TSHZ2: variants seen among roughly 807,000 people sequenced by gnomAD.
TSHZ2 encodes teashirt zinc finger homeobox 2.
Under a neutral mutation model 74.4 loss-of-function variants are expected in TSHZ2, and 21 were observed. The observed-to-expected ratio is 0.28, with a 90% CI of 0.20 to 0.41. The LOEUF (loss-of-function observed/expected upper bound fraction) is 0.41. Ranked by LOEUF, TSHZ2 falls within the 10% of genes least tolerant of loss-of-function variation. The pLI is 1.00. For synonymous variants in TSHZ2, 540 were observed against 515.3 expected (o/e 1.05, Z -0.65); for missense variants, 1,244 against 1,293.5 (o/e 0.96, Z 0.59).
At chr20:52,993,834 T>G (rs543516748) in intron 1 of TSHZ2, among the ~76,000 whole-genome samples, 62 of 152,226 alleles carry the variant, frequency 4.1e-4, no homozygotes, top group Non-Finnish European at 6.9e-4. Context: ...GATTGAGATG[T>G]TTTAATTTTC....
At chr20:53,162,823 GA>G (rs2071803911) in intron 1 of TSHZ2, among the ~76,000 whole-genome samples, 1 of 152,292 alleles carries the variant, frequency 6.6e-6, no homozygotes, top group South Asian at 2.1e-4. Flanking sequence ...CAAAGCGGGG[GA>G]GGGGGAGAAA....
At chr20:52,991,131 T>G (rs1308760371) in intron 1 of TSHZ2, among the ~76,000 whole-genome samples, 1 of 151,992 alleles carries the variant, frequency 6.6e-6, no homozygotes, top group Non-Finnish European at 1.5e-5. Flanking sequence ...TGATTTTGTG[T>G]GGATTATGTA....
intron 2 of TSHZ2, among the ~76,000 whole-genome samples, chr20:53,450,562 G>C (rs982190869): frequency 2.0e-5 from 3 of 152,198 alleles, no homozygotes; most frequent in Non-Finnish European, 4.4e-5. Context: ...TGTCACCCAA[G>C]CTCCAGGATG....
At chr20:53,086,934 T>C (rs1386601476) in intron 1 of TSHZ2, among the ~76,000 whole-genome samples, 2 of 152,064 alleles carry the variant, frequency 1.3e-5, no homozygotes, top group African/African-American at 4.8e-5. Flanking sequence ...CGTGAAATGC[T>C]AAGGAGAAAA....
intron 2 of TSHZ2, among the ~76,000 whole-genome samples, chr20:53,286,553 C>T (rs1158590654): frequency 6.6e-6 from 1 of 151,988 alleles, no homozygotes; most frequent in African/African-American, 2.4e-5. Flanking sequence ...TTCTCTCCAA[C>T]TTGAATTCTA....
intron 1 of TSHZ2, among the ~76,000 whole-genome samples, chr20:53,132,698 T>C (rs533530084): frequency 6.6e-6 from 1 of 152,314 alleles, no homozygotes; most frequent in East Asian, 1.9e-4. Flanking sequence ...TCCCAAGACC[T>C]GCATCATCTT....
At chr20:53,480,506 G>T (rs1045009977) in intron 2 of TSHZ2, among the ~76,000 whole-genome samples, 1 of 151,746 alleles carries the variant, frequency 6.6e-6, no homozygotes, top group Non-Finnish European at 1.5e-5. Context: ...GATCAAGGCT[G>T]CAGTGAACTA....
rs550096714 is a variant in TSHZ2 at position 53,026,820 on chromosome 20, T to C, written c.40+53487T>C. ...ATCTTTTCATATTTTTAAATAGTGC[T>C]GTAGAAGCTTAGTTTTAATAATAAA... On this transcript the variant is annotated intron_variant, in intron 1 of 2. Transcript: ENST00000371497. Among the ~76,000 whole-genome samples, 17 of 152,316 alleles carry C rather than the reference T, an allele frequency of 1.1e-4. No homozygotes were observed. The East Asian group carries it at 3.3e-3, about 29-fold the overall frequency.
At position 53,114,116 on chromosome 20, in the gene TSHZ2, GA is replaced by G. The variant is rs1323480297; in HGVS notation, c.41-139373del. Among the ~76,000 whole-genome samples, 1,298 of 145,308 alleles carry G rather than the reference GA, an allele frequency of 8.9e-3. 9 individuals are homozygous for G. The highest frequency in any genetic ancestry group is 0.023 in the African/African-American group (924 of 39,548). ...CTCTTATGAAAAAAAAAAAAAGAAAGAAAAAAAAAATGGTCCATACACATTT... is the reference window on the plus strand; with the variant it reads ...CTCTTATGAAAAAAAAAAAAAGAAAGAAAAAAAAATGGTCCATACACATTT... On this transcript the variant is annotated intron_variant, in intron 1 of 2. Coordinates refer to ENST00000371497, the MANE Select transcript of TSHZ2 (RefSeq NM_173485.6).
intron 1 of TSHZ2, among the ~76,000 whole-genome samples, chr20:53,124,678 C>T (rs1230511325): frequency 6.6e-6 from 1 of 152,146 alleles, no homozygotes; most frequent in Non-Finnish European, 1.5e-5. Flanking sequence ...GGTAGCAGAA[C>T]CTATACTAAA....
intron 2 of TSHZ2, among the ~76,000 whole-genome samples, chr20:53,352,200 A>G (rs1224188449): frequency 1.7e-5 from 2 of 119,390 alleles, no homozygotes; most frequent in African/African-American, 3.2e-5. Flanking sequence ...TCTTTACCCC[A>G]CTGCATTCCG....
At chr20:53,189,103 C>A (rs554516982) in intron 1 of TSHZ2, among the ~76,000 whole-genome samples, 1 of 152,270 alleles carries the variant, frequency 6.6e-6, no homozygotes, top group East Asian at 1.9e-4. Flanking sequence ...GAAATTATGA[C>A]AAGGTGTACA....
At position 53,255,792 on chromosome 20, in the gene TSHZ2, G is replaced by A. The variant is rs145973095; in HGVS notation, c.2334G>A (p.Ser778=). The A allele has an allele frequency of 4.2e-5, 67 of 1,613,902 alleles. 1 individual carries two copies. In the African/African-American group the frequency reaches 6.7e-4, roughly 16 times the overall value. Residue 778 remains serine (S), a synonymous_variant, in exon 2 of 3, where the codon TCG becomes TCA. Coordinates refer to ENST00000371497, the MANE Select transcript of TSHZ2 (RefSeq NM_173485.6). This position sits in a 1 kb window ranked among gnomAD's most constrained non-coding sequence, Gnocchi z 4.1. ...TKSKSKKAES[S]QAQSCMSPPQ... is the part of the protein sequence containing the mutation. ...CCAAAAGCAAGAAAGCCGAGTCCTCGCAAGCACAATCTTGTATGTCCCCAC... is the reference window on the plus strand; with the variant it reads ...CCAAAAGCAAGAAAGCCGAGTCCTCACAAGCACAATCTTGTATGTCCCCAC...
chr20:53,214,443 C>T (rs569232572), intron 1 of TSHZ2, among the ~76,000 whole-genome samples: 150 of 152,300 alleles, frequency 9.8e-4, no homozygotes, highest in African/African-American at 3.0e-3. Context: ...CGAGGGCTCA[C>T]GCCTGTAACC....
intron 2 of TSHZ2, among the ~76,000 whole-genome samples, chr20:53,420,098 C>T (rs1232617548): frequency 1.3e-5 from 2 of 152,238 alleles, no homozygotes; most frequent in African/African-American, 4.8e-5. Context: ...GACGTAAATG[C>T]TGCACTCCTG....
chr20:53,079,839 T>A (rs1985479532), intron 1 of TSHZ2, among the ~76,000 whole-genome samples: 1 of 152,090 alleles, frequency 6.6e-6, no homozygotes, highest in Non-Finnish European at 1.5e-5. Flanking sequence ...TTTTTCTTTT[T>A]TTTTGCAGAA....
chr20:53,238,536 A>C (rs1250963573), intron 1 of TSHZ2, among the ~76,000 whole-genome samples: 19 of 152,154 alleles, frequency 1.2e-4, no homozygotes, highest in Non-Finnish European at 2.5e-4. Flanking sequence ...AAACAAAACA[A>C]AACACCAAAA....
chr20:53,443,601 G>A (rs1027835674), intron 2 of TSHZ2, among the ~76,000 whole-genome samples: 4 of 152,198 alleles, frequency 2.6e-5, no homozygotes, highest in Admixed American at 2.0e-4. Context: ...GGTATCATCT[G>A]TCTCACCCAT....
chr20:53,469,730 GAGGA>G lies in TSHZ2; in HGVS notation c.*9-17401_*9-17398del, dbSNP rs767245445. Among the ~76,000 whole-genome samples, 3 of 61,692 alleles carry G rather than the reference GAGGA, an allele frequency of 4.9e-5. 1 individual carries two copies. The highest frequency in any genetic ancestry group is 6.2e-4 in the East Asian group (1 of 1,610). The allele number at this position is 61,692 out of a possible 152,430, so 40.5% of individuals were successfully genotyped here. Reference sequence around the variant, plus strand: ...AGAAAGAGAGAGGGAGGAAGGGAGGGAGGAAGGAAGGAAGGACCCAAGAAAGATA... The same window carrying G: ...AGAAAGAGAGAGGGAGGAAGGGAGGGAGGAAGGAAGGACCCAAGAAAGATA... On this transcript the variant is annotated intron_variant, in intron 2 of 2. Transcript: ENST00000371497.
Sources: allele counts gnomAD v4.1 joint callset (sites outside exome capture counted in the v4.1 genomes callset), GRCh38; gene constraint gnomAD v4.1.1; non-coding constraint Gnocchi (gnomAD v3.1); transcripts MANE v1.5; gene names NCBI Gene and HGNC (gene_info 2026-07-23, HGNC 2026-07-21).